The following NKX2-6 variants were observed in gnomAD, a reference collection of about 807,000 sequenced individuals.
NKX2-6 encodes NK2 homeobox 6.
NKX2-6 carries 8 observed loss-of-function variants against 8.6 expected under a neutral mutation model. That is an observed-to-expected ratio of 0.93 (90% CI 0.54 to 1.67). NKX2-6 has a LOEUF of 1.67. Among genes scored for constraint, NKX2-6 ranks in the 40% most tolerant of loss-of-function variants. The pLI is 0.00. For synonymous variants in NKX2-6, 210 were observed against 199.3 expected (o/e 1.05, Z -0.45); for missense variants, 475 against 423.1 (o/e 1.12, Z -1.08).
At chr8:23,703,215 C>G in intron 1 of NKX2-6, 133 bp from the exon 2 acceptor site, 1 of 1,064,592 alleles carries the variant, frequency 9.4e-7, no homozygotes. Flanking sequence ...CTACTGCCCC[C>G]GAACCCTGTC....
rs562803860 is a variant in NKX2-6 at position 23,702,605 on chromosome 8, G to A, written c.752C>T (p.Pro251Leu). 3.9e-6 allele frequency: 6 copies of A among 1,547,474 alleles called. No homozygotes were observed. Among genetic ancestry groups the A allele is most frequent in the Admixed American group, 3.9e-5 (2 of 50,964 alleles). ...YSCYGGYSGA[P>L]YGAGYGTCYA... ...GCAGGTGCCGTAGCCTGCGCCGTAG[G>A]GTGCTCCGCTGTAGCCTCCGTAGCA... is the stretch of plus-strand genomic sequence containing the variant. The change falls in exon 2 of 2, where the codon CCC (proline) becomes CTC (leucine). Residue 251 changes from proline to leucine, a missense_variant. Pro to Leu is a moderately conservative substitution (Grantham distance 98, BLOSUM62 -3). Coordinates refer to ENST00000325017, the MANE Select transcript of NKX2-6 (RefSeq NM_001136271.3).
chr8:23,704,980 C>T (rs544387107), intron 1 of NKX2-6, among the ~76,000 whole-genome samples: 10 of 152,352 alleles, frequency 6.6e-5, no homozygotes, highest in Non-Finnish European at 1.5e-4. Flanking sequence ...CTACCGCGGC[C>T]TTGGGCTCAG....
chr8:23,702,863 A>C lies in NKX2-6; in HGVS notation c.494T>G (p.Leu165Arg). ...GGACGTGAGCTGCAGCGCGCTGGCC[A>C]GGTGCTCGCGCTCGGGCGCTGACAG... ...RYLSAPEREH[L>R]ASALQLTSTQ... Residue 165 changes from leucine to arginine, a missense_variant, in exon 2 of 2, where the codon CTG (leucine) becomes CGG (arginine). Transcript: ENST00000325017. 1 of 1,565,078 alleles carries C rather than the reference A, an allele frequency of 6.4e-7. No individual in the cohort carries two copies. The highest frequency in any genetic ancestry group is 8.7e-7 in the Non-Finnish European group (1 of 1,154,550).
In NKX2-6 at chr8:23,702,825, T is replaced by G. The variant is rs1390804752; in HGVS notation, c.532A>C (p.Ile178Leu). 1 of 1,573,384 alleles carries G rather than the reference T, an allele frequency of 6.4e-7. No individual in the cohort carries two copies. Among genetic ancestry groups the G allele is most frequent in the African/African-American group, 1.3e-5 (1 of 74,138 alleles). ...ALQLTSTQVK[I>L]WFQNRRYKCK... is the part of the protein sequence containing the mutation. The stretch of plus-strand genomic sequence containing the variant: ...TTGTAGCGTCGGTTCTGGAACCAGA[T>G]CTTGACCTGCGTGGACGTGAGCTGC... Residue 178 changes from isoleucine to leucine, a missense_variant, in exon 2 of 2, where the codon ATC becomes CTC. Transcript: ENST00000325017.
Position 23,702,942 on chromosome 8 carries a change from A to G in NKX2-6, c.415T>C (p.Phe139Leu), listed in dbSNP as rs913676984. ...ARQRRKPRVL[F>L]SQAQVLALER... ...AGGGCCAGCACCTGCGCCTGCGAAA[A>G]GAGCACGCGCGGCTTCCGTCGTTGC... The change falls in exon 2 of 2, where the codon TTT becomes CTT. Residue 139 changes from phenylalanine to leucine, a missense_variant. Transcript: ENST00000325017. 3.9e-6 allele frequency: 6 copies of G among 1,548,802 alleles called. No individual in the cohort carries two copies. In the African/African-American group the frequency reaches 5.5e-5, roughly 14 times the overall value.
In NKX2-6 at chr8:23,702,601, G is replaced by A; in HGVS notation, c.756C>T (p.Tyr252=). Residue 252 remains tyrosine, a synonymous_variant, in exon 2 of 2, where the codon TAC becomes TAT. Transcript: ENST00000325017. The part of the protein sequence containing the change: ...SCYGGYSGAP[Y]GAGYGTCYAG... Reference sequence around the variant, plus strand: ...CGTAGCAGGTGCCGTAGCCTGCGCCGTAGGGTGCTCCGCTGTAGCCTCCGT... The same window carrying A: ...CGTAGCAGGTGCCGTAGCCTGCGCCATAGGGTGCTCCGCTGTAGCCTCCGT... 3 of 1,547,066 alleles carry A rather than the reference G, an allele frequency of 1.9e-6. No individual in the cohort carries two copies. The highest frequency in any genetic ancestry group is 1.7e-6 in the Non-Finnish European group (2 of 1,146,206).
rs1405830769 is a variant in NKX2-6 at position 23,701,976 on chromosome 8, C to G, written c.*475G>C. Among the ~76,000 whole-genome samples, 1 of 152,190 alleles carries G rather than the reference C, an allele frequency of 6.6e-6. No homozygotes were observed. Among genetic ancestry groups the G allele is most frequent in the Non-Finnish European group, 1.5e-5 (1 of 68,042 alleles). ...ACTTCCCGGATCCTCAAGTTCCCAGCTCTTCAGCCCCCTTCCCGCCCTCCC... is the reference window on the plus strand; with the variant it reads ...ACTTCCCGGATCCTCAAGTTCCCAGGTCTTCAGCCCCCTTCCCGCCCTCCC... On this transcript the variant is annotated 3_prime_UTR_variant, in exon 2 of 2. Transcript: ENST00000325017.
At chr8:23,705,833 G>A (rs528354945) in intron 1 of NKX2-6, among the ~76,000 whole-genome samples, 50 of 152,318 alleles carry the variant, frequency 3.3e-4, no homozygotes, top group Middle Eastern at 3.4e-3. Flanking sequence ...GGGGTCCCCC[G>A]ACCAGACCAG....
At chr8:23,705,595 A>G (rs1232919053) in intron 1 of NKX2-6, among the ~76,000 whole-genome samples, 1 of 152,208 alleles carries the variant, frequency 6.6e-6, no homozygotes, top group Non-Finnish European at 1.5e-5. Context: ...CGGGCTGGAC[A>G]CAGGTGCGTG....
At chr8:23,705,014 G>A (rs1035967902) in intron 1 of NKX2-6, among the ~76,000 whole-genome samples, 1 of 152,184 alleles carries the variant, frequency 6.6e-6, no homozygotes, top group Non-Finnish European at 1.5e-5. Flanking sequence ...CCTCGGGTCC[G>A]GCCTCGGGTC....
intron 1 of NKX2-6, 83 bp from the exon 2 acceptor site, chr8:23,703,165 T>G: frequency 1.4e-6 from 2 of 1,444,180 alleles, no homozygotes; most frequent in Non-Finnish European, 1.8e-6. Context: ...GACTTTCCTC[T>G]CCCTGGCAGC....
rs28371464 is a variant in NKX2-6, at chr8:23,706,120, C to A, written c.274+205G>T. Among the ~76,000 whole-genome samples, 69,482 of 151,818 alleles carry A rather than the reference C, an allele frequency of 0.46. 16,081 individuals carry two copies. Among genetic ancestry groups the A allele is most frequent in the South Asian group, 0.54 (2,584 of 4,806 alleles). ...TGAATCCTTGAGATTCAGGGCCTTA[C>A]TTTCGTTAGGGGTGTGTGAAGCACA... On this transcript the variant is annotated intron_variant, in intron 1 of 1. Transcript: ENST00000325017.
Position 23,702,772 on chromosome 8 carries a change from C to A in NKX2-6, c.585G>T (p.Ser195=), listed in dbSNP as rs1437801996. ...TTAGAGGGTGGCCAGCCAGTTCCAG[C>A]GACTTGTCCTGGCGCTGTCTCTTGC... ...YKCKRQRQDK[S]LELAGHPLTP... Residue 195 remains serine (S), a synonymous_variant, in exon 2 of 2, where the codon TCG becomes TCT. Transcript: ENST00000325017. 1.3e-6 allele frequency: 2 copies of A among 1,556,810 alleles called. No homozygotes were observed. Among genetic ancestry groups the A allele is most frequent in the Non-Finnish European group, 1.7e-6 (2 of 1,149,818 alleles).
intron 1 of NKX2-6, among the ~76,000 whole-genome samples, chr8:23,703,819 T>C (rs1338575283): frequency 1.3e-5 from 2 of 151,622 alleles, no homozygotes; most frequent in African/African-American, 2.4e-5. Flanking sequence ...TGGACCCTCC[T>C]TGGAAGTAGA....
At position 23,703,029 on chromosome 8, in the gene NKX2-6, G is replaced by C; in HGVS notation, c.328C>G (p.Arg110Gly). The C allele has an allele frequency of 6.5e-7, 1 of 1,540,542 alleles. No individual in the cohort carries two copies. The highest frequency in any genetic ancestry group is 2.0e-5 in the Admixed American group (1 of 50,910). ...PLGGGTRVPE[R>G]GVGNSGDSVR... ...CTGTCGCCGCTGTTGCCAACGCCGC[G>C]CTCTGGCACCCTGGTCCCGCCGCCG... Residue 110 changes from arginine (R) to glycine (G), a missense_variant, in exon 2 of 2, where the codon CGC (arginine) becomes GGC (glycine). By Grantham distance (125) the Arg-to-Gly change is moderately radical. Transcript: ENST00000325017.
At chr8:23,704,555 ATGAGCC>A (rs1449142470) in intron 1 of NKX2-6, among the ~76,000 whole-genome samples, 1 of 152,230 alleles carries the variant, frequency 6.6e-6, no homozygotes, top group Non-Finnish European at 1.5e-5. Context: ...AGGACTCTAA[ATGAGCC>A]AGTGCGATTG....
rs1158591184 is a variant in NKX2-6 at position 23,701,999 on chromosome 8, C to G, written c.*452G>C. Among the ~76,000 whole-genome samples, 1 of 152,086 alleles carries G rather than the reference C, an allele frequency of 6.6e-6. No homozygotes were observed. Among genetic ancestry groups the G allele is most frequent in the Admixed American group, 6.5e-5 (1 of 15,280 alleles). On this transcript the variant is annotated 3_prime_UTR_variant, in exon 2 of 2. Transcript: ENST00000325017. ...AGCTCTTCAGCCCCCTTCCCGCCCT[C>G]CCGTCCTCTTCTCTTTCTTCCCCAA...
At position 23,702,732 on chromosome 8, in the gene NKX2-6, C is replaced by A. The variant is rs941121273; in HGVS notation, c.625G>T (p.Ala209Ser). ...AGHPLTPRRV[A>S]VPVLVRDGKP... ...CCATCGCGCACCAGGACGGGCACAG[C>A]TACTCGGCGCGGCGTTAGAGGGTGG... The change falls in exon 2 of 2, where the codon GCT becomes TCT. Residue 209 changes from alanine (A) to serine (S), a missense_variant. Ala to Ser is a moderately conservative substitution (Grantham distance 99). Transcript: ENST00000325017. 1.3e-6 allele frequency: 2 copies of A among 1,551,624 alleles called. No homozygotes were observed. Among genetic ancestry groups the A allele is most frequent in the Admixed American group, 3.9e-5 (2 of 51,002 alleles).
Position 23,702,414 on chromosome 8 carries a change from C to A in NKX2-6, c.*37G>T. The A allele has an allele frequency of 5.6e-6, 8 of 1,429,368 alleles. No individual in the cohort carries two copies. Among genetic ancestry groups the A allele is most frequent in the Non-Finnish European group, 6.4e-6 (7 of 1,093,030 alleles). 88.5% of individuals were successfully genotyped at this position (1,429,368 alleles called of 1,614,324 possible). A position where few individuals can be genotyped will look rare whatever the true frequency, so the allele number is the denominator to read the frequency against. The stretch of plus-strand genomic sequence containing the variant: ...TGCGGGCGGAGGGGAAGGGAACGAG[C>A]ATCTGGCCCTGGTTGGCAGAGTCAA... On this transcript the variant is annotated 3_prime_UTR_variant, in exon 2 of 2. Transcript: ENST00000325017.
Sources: allele counts gnomAD v4.1 joint callset (sites outside exome capture counted in the v4.1 genomes callset), GRCh38; gene constraint gnomAD v4.1.1; transcripts MANE v1.5; gene names NCBI Gene and HGNC (gene_info 2026-07-23, HGNC 2026-07-21).